The following MAN1A1 variants were observed in gnomAD, a reference collection of about 807,000 sequenced individuals.
The protein encoded by MAN1A1 is mannosyl-oligosaccharide 1,2-alpha-mannosidase IA.
MAN1A1 carries 29 observed loss-of-function variants against 70.8 expected under a neutral mutation model. That is an observed-to-expected ratio of 0.41 (90% CI 0.31 to 0.56). MAN1A1 has a LOEUF of 0.56. Among genes scored for constraint, MAN1A1 ranks in the 20% least tolerant of loss-of-function variants. The probability of loss-of-function intolerance (pLI) is 0.29; values close to 1 mark genes in which losing one functional copy is unlikely to be tolerated. For synonymous variants in MAN1A1, 349 were observed against 330.1 expected, an observed-to-expected ratio of 1.06 and a Z score of -0.62; for missense variants, 747 against 841.3, an observed-to-expected ratio of 0.89 and a Z score of 1.39.
chr6:119,311,729 C>T (rs1772711484), intron 2 of MAN1A1, among the ~76,000 whole-genome samples: 1 of 152,044 alleles, frequency 6.6e-6, no homozygotes, highest in African/African-American at 2.4e-5. Flanking sequence ...GGAATGAGGG[C>T]TTAGGACTAA....
Position 119,340,276 on chromosome 6 carries a change from C to A in MAN1A1, c.603+8187G>T, listed in dbSNP as rs1773564471. ...GAGGAAACACACTCCCCTTTTAGTA[C>A]ATAGCTCCAGCATGTATTCCCGTGA... On this transcript the variant is annotated intron_variant, in intron 2 of 12. Transcript: ENST00000368468. Among the ~76,000 whole-genome samples the A allele has an allele frequency of 3.3e-5, 5 of 152,122 alleles. No individual in the cohort carries two copies. In the South Asian group the frequency reaches 1.0e-3, roughly 32 times the overall value.
rs1267666692 is a variant in MAN1A1, at chr6:119,307,063, T to C, written c.604-71A>G. 2.2e-5 allele frequency: 22 copies of C among 1,011,234 alleles called. No individual in the cohort carries two copies. In the Admixed American group the frequency reaches 4.0e-4, roughly 18 times the overall value. 62.6% of individuals were successfully genotyped at this position (1,011,234 alleles called of 1,614,324 possible). A position where few individuals can be genotyped will look rare whatever the true frequency, so the allele number is the denominator to read the frequency against. ...TTTTGCTACAAAATAGGTAATATAT[T>C]GAAGAGCAAAGGCTAAAACATTAAA... is the stretch of plus-strand genomic sequence containing the variant. On this transcript the variant is annotated intron_variant, in intron 2 of 12. Transcript: ENST00000368468.
chr6:119,249,542 G>C (rs986628381), intron 5 of MAN1A1, among the ~76,000 whole-genome samples: 5 of 152,198 alleles, frequency 3.3e-5, no homozygotes, highest in African/African-American at 1.2e-4. Flanking sequence ...AAACAAGGAA[G>C]AAGTGAGAGA....
At chr6:119,300,481 C>T (rs894249072) in intron 4 of MAN1A1, among the ~76,000 whole-genome samples, 1 of 152,038 alleles carries the variant, frequency 6.6e-6, no homozygotes, top group Non-Finnish European at 1.5e-5. Context: ...GTCTCAAACT[C>T]CTGACATCGT....
At chr6:119,328,196 G>GT (rs1773205829) in intron 2 of MAN1A1, among the ~76,000 whole-genome samples, 1 of 152,208 alleles carries the variant, frequency 6.6e-6, no homozygotes, top group Non-Finnish European at 1.5e-5. Flanking sequence ...AAGAAGAACA[G>GT]TAAGTCACCC....
intron 7 of MAN1A1, 29 bp downstream of exon 7, chr6:119,204,730 G>T: frequency 3.7e-6 from 6 of 1,611,782 alleles, no homozygotes; most frequent in Non-Finnish European, 5.1e-6. Flanking sequence ...GTGTTGCTTT[G>T]CAGGCCAAGG....
At chr6:119,223,042 G>A (rs1199335110) in intron 6 of MAN1A1, among the ~76,000 whole-genome samples, 1 of 152,038 alleles carries the variant, frequency 6.6e-6, no homozygotes, top group Non-Finnish European at 1.5e-5. Flanking sequence ...TCTCAAAGTG[G>A]TTTAAAAAGG....
chr6:119,297,074 C>T (rs572412076), intron 4 of MAN1A1, among the ~76,000 whole-genome samples: 1 of 152,254 alleles, frequency 6.6e-6, no homozygotes, highest in Non-Finnish European at 1.5e-5. Context: ...TTCTAGGTAA[C>T]CAATAATGTT....
intron 11 of MAN1A1, 76 bp downstream of exon 11, chr6:119,188,329 G>T: frequency 7.5e-7 from 1 of 1,337,052 alleles, no homozygotes; most frequent in Non-Finnish European, 1.0e-6. Flanking sequence ...AAGTTGATAA[G>T]CCTGATTTAT....
intron 5 of MAN1A1, among the ~76,000 whole-genome samples, chr6:119,266,686 G>T (rs1436770089): frequency 2.0e-5 from 3 of 152,110 alleles, no homozygotes; most frequent in Non-Finnish European, 4.4e-5. Flanking sequence ...GTTTGGAGAT[G>T]ACTTTTTAGG....
chr6:119,263,217 T>C lies in MAN1A1; in HGVS notation c.898-14863A>G, dbSNP rs556281687. Among the ~76,000 whole-genome samples the C allele has an allele frequency of 1.2e-3, 189 of 152,110 alleles. 1 individual carries two copies. Among genetic ancestry groups the C allele is most frequent in the African/African-American group, 4.4e-3 (183 of 41,528 alleles). ...GTTTATTAAGTATTAAGTTAATACT[T>C]ATAGTTTATTAAATATTAACTTAAT... On this transcript the variant is annotated intron_variant, in intron 5 of 12. Coordinates refer to ENST00000368468, the MANE Select transcript of MAN1A1 (RefSeq NM_005907.4).
intron 6 of MAN1A1, among the ~76,000 whole-genome samples, chr6:119,215,857 T>C (rs1041278710): frequency 3.3e-5 from 5 of 152,116 alleles, no homozygotes; most frequent in African/African-American, 1.2e-4. Context: ...ACGTGCAAAA[T>C]AGAAAATAAA....
At chr6:119,202,981 G>GCT (rs750631483) in intron 7 of MAN1A1, among the ~76,000 whole-genome samples, 1,837 of 131,508 alleles carry the variant, frequency 0.014, 17 homozygotes, top group Non-Finnish European at 0.019. Flanking sequence ...AGACACAAGA[G>GCT]CTCTCTCTCT....
At chr6:119,216,802 C>T (rs1214013612) in intron 6 of MAN1A1, among the ~76,000 whole-genome samples, 24 of 152,136 alleles carry the variant, frequency 1.6e-4, no homozygotes, top group Admixed American at 1.6e-3. Flanking sequence ...CTCCAGATCC[C>T]ACTGTCATTT....
intron 6 of MAN1A1, among the ~76,000 whole-genome samples, chr6:119,225,701 G>A (rs1774494248): frequency 6.6e-6 from 1 of 152,066 alleles, no homozygotes; most frequent in Admixed American, 6.5e-5. Context: ...TGACTTCTCA[G>A]AAACAATGAA....
At chr6:119,202,893 T>C (rs1173699513) in intron 7 of MAN1A1, among the ~76,000 whole-genome samples, 1 of 152,154 alleles carries the variant, frequency 6.6e-6, no homozygotes, top group Non-Finnish European at 1.5e-5. Context: ...CCCAGTGTGA[T>C]TGTATTTGGA....
intron 7 of MAN1A1, among the ~76,000 whole-genome samples, chr6:119,203,604 T>TC (rs1195330016): frequency 1.3e-5 from 2 of 151,962 alleles, no homozygotes; most frequent in Non-Finnish European, 2.9e-5. Context: ...ACCTGATGGA[T>TC]CCCAGATCAG....
At chr6:119,248,186 C>A in intron 6 of MAN1A1, 74 bp downstream of exon 6, 1 of 944,818 alleles carries the variant, frequency 1.1e-6, no homozygotes, top group Non-Finnish European at 1.7e-6. Flanking sequence ...AATTATCTAT[C>A]TAATGTATAC....
At chr6:119,199,867 G>A (rs2114943929) in intron 8 of MAN1A1, among the ~76,000 whole-genome samples, 1 of 152,178 alleles carries the variant, frequency 6.6e-6, no homozygotes, top group East Asian at 1.9e-4. Flanking sequence ...GGCAGAGGTT[G>A]CAATGAGCTG....
Sources: gnomAD v4.1 joint callset for allele counts (sites outside exome capture counted in the v4.1 genomes callset) on GRCh38, gnomAD v4.1.1 for gene constraint, MANE v1.5 for transcripts, NCBI Gene and HGNC (gene_info 2026-07-23, HGNC 2026-07-21) for gene names.